CRB1: variants seen among roughly 807,000 people sequenced by gnomAD.
CRB1 encodes the protein crumbs cell polarity complex component 1.
Under a neutral mutation model 120.0 loss-of-function variants are expected in CRB1, and 83 were observed. That is an observed-to-expected ratio of 0.69 (90% CI 0.58 to 0.83). The LOEUF (loss-of-function observed/expected upper bound fraction) is 0.83. Among genes scored for constraint, CRB1 ranks in the 40% least tolerant of loss-of-function variants. The probability of loss-of-function intolerance (pLI) is 0.00; values close to 1 mark genes in which losing one functional copy is unlikely to be tolerated. For synonymous variants in CRB1, 625 were observed against 612.5 expected, an observed-to-expected ratio of 1.02 and a Z score of -0.30; for missense variants, 1,699 against 1,687.6, an observed-to-expected ratio of 1.01 and a Z score of -0.12.
chr1:197,428,962 T>A, intron 7 of CRB1: 1 of 1,531,296 alleles, frequency 6.5e-7, no homozygotes, highest in Non-Finnish European at 8.7e-7. Context: ...TAATACTATG[T>A]CTCTGATTCA....
chr1:197,426,714 C>T (rs1449927567), intron 6 of CRB1, among the ~76,000 whole-genome samples: 4 of 152,152 alleles, frequency 2.6e-5, no homozygotes, highest in Non-Finnish European at 4.4e-5. Flanking sequence ...GCCTTTCCTA[C>T]TCCCAACCAG....
intron 8 of CRB1, among the ~76,000 whole-genome samples, chr1:197,431,270 C>T (rs773200740): frequency 2.0e-5 from 3 of 151,988 alleles, no homozygotes; most frequent in Non-Finnish European, 4.4e-5. Flanking sequence ...GTATGAAATA[C>T]ATTACACTGT....
intron 5 of CRB1, among the ~76,000 whole-genome samples, chr1:197,412,044 T>A (rs1200458566): frequency 6.6e-6 from 1 of 152,210 alleles, no homozygotes. Flanking sequence ...ATGACCCAGC[T>A]GTAAAGGAGT....
At chr1:197,357,394 C>T (rs1474513735) in intron 5 of CRB1, 2 of 283,650 alleles carry the variant, frequency 7.1e-6, no homozygotes, top group Non-Finnish European at 1.4e-5. Context: ...CTTATATTTA[C>T]ACTGGGAAAA....
At chr1:197,343,132 A>C (rs1224810533) in intron 2 of CRB1, among the ~76,000 whole-genome samples, 1 of 152,230 alleles carries the variant, frequency 6.6e-6, no homozygotes, top group Non-Finnish European at 1.5e-5. Context: ...TAACAGTTGT[A>C]AATAATAGAT....
chr1:197,213,113 A>G, the CRB1 span, among the ~76,000 whole-genome samples: 79 of 152,358 alleles, frequency 5.2e-4, no homozygotes, highest in South Asian at 8.1e-3. Flanking sequence ...ATCAGAATTT[A>G]CAAGTAATTA....
chr1:197,396,891 G>T (rs968038839), intron 5 of CRB1, among the ~76,000 whole-genome samples: 1 of 151,982 alleles, frequency 6.6e-6, no homozygotes, highest in Non-Finnish European at 1.5e-5. Flanking sequence ...GCTCAGCAAA[G>T]ATTTTTAAAA....
chr1:197,282,594 A>G (rs1655584501), intron 1 of CRB1, among the ~76,000 whole-genome samples: 1 of 151,938 alleles, frequency 6.6e-6, no homozygotes, highest in Non-Finnish European at 1.5e-5. Context: ...AAAGAAATAA[A>G]CACAGTCCAG....
chr1:197,405,957 G>C (rs994949797), intron 5 of CRB1, among the ~76,000 whole-genome samples: 1 of 150,764 alleles, frequency 6.6e-6, no homozygotes, highest in African/African-American at 2.4e-5. Flanking sequence ...GAGGTGGGGG[G>C]GTCAGCCCCC....
chr1:197,234,231 A>G, the CRB1 span, among the ~76,000 whole-genome samples: 1 of 152,192 alleles, frequency 6.6e-6, no homozygotes, highest in Admixed American at 6.5e-5. Context: ...TAGTGACTCC[A>G]TTGTAATGAA....
chr1:197,373,846 G>T (rs1401844971), intron 5 of CRB1, among the ~76,000 whole-genome samples: 1 of 152,122 alleles, frequency 6.6e-6, no homozygotes, highest in Non-Finnish European at 1.5e-5. Context: ...ATACACCATT[G>T]TCAGATTGTA....
intron 1 of CRB1, among the ~76,000 whole-genome samples, chr1:197,295,217 A>G (rs1439259456): frequency 1.3e-5 from 2 of 151,950 alleles, no homozygotes; most frequent in African/African-American, 4.8e-5. Flanking sequence ...ATGGTCTTTA[A>G]ATGTTGTCAT....
chr1:197,374,124 G>T (rs1394434003), intron 5 of CRB1, among the ~76,000 whole-genome samples: 1 of 152,136 alleles, frequency 6.6e-6, no homozygotes, highest in African/African-American at 2.4e-5. Flanking sequence ...CTTTGCTGTA[G>T]TTCGTGGTAG....
At chr1:197,351,549 C>T (rs868175600) in intron 4 of CRB1, among the ~76,000 whole-genome samples, 1 of 152,062 alleles carries the variant, frequency 6.6e-6, no homozygotes, top group Admixed American at 6.5e-5. Context: ...CTGCCAACTA[C>T]GGGGCAGAGA....
chr1:197,434,115 T>G (rs1665006555), intron 8 of CRB1, among the ~76,000 whole-genome samples: 1 of 152,296 alleles, frequency 6.6e-6, no homozygotes, highest in Middle Eastern at 3.4e-3. Context: ...ATGAAAGTAC[T>G]TGGGTGTAGA....
chr1:197,233,589 C>T, the CRB1 span, among the ~76,000 whole-genome samples: 4 of 152,206 alleles, frequency 2.6e-5, no homozygotes, highest in Non-Finnish European at 4.4e-5. Context: ...GCTCACAAAG[C>T]CCTTCTTAGG....
the CRB1 span, among the ~76,000 whole-genome samples, chr1:197,235,220 A>C: frequency 6.6e-6 from 1 of 152,266 alleles, no homozygotes; most frequent in South Asian, 2.1e-4. Context: ...ATTTTGATGC[A>C]TAGAGGTCAT....
chr1:197,392,377 A>C (rs1289413723), intron 5 of CRB1, among the ~76,000 whole-genome samples: 1 of 152,144 alleles, frequency 6.6e-6, no homozygotes, highest in East Asian at 1.9e-4. Context: ...AACCAGGTTA[A>C]CAGGATCATA....
At chr1:197,331,137 A>G (rs1764787) in intron 2 of CRB1, among the ~76,000 whole-genome samples, 105,251 of 151,536 alleles carry the variant, frequency 0.69, 36,776 homozygotes, top group East Asian at 0.92. Context: ...CAGCCTGGGC[A>G]ACACAGCCAG....
Sources: allele counts gnomAD v4.1 joint callset (sites outside exome capture counted in the v4.1 genomes callset), GRCh38; gene constraint gnomAD v4.1.1; transcripts MANE v1.5; gene names NCBI Gene and HGNC (gene_info 2026-07-23, HGNC 2026-07-21).